Variants in DCHS2 observed in about 807,000 individuals in gnomAD.
DCHS2 encodes the protein dachsous cadherin-related 2, also known as protocadherin-23.
DCHS2 carries 142 observed loss-of-function variants against 182.4 expected under a neutral mutation model. The ratio of observed to expected loss-of-function variants is 0.78; its 90% CI spans 0.68 to 0.89. The LOEUF is 0.89. Ranked by LOEUF, DCHS2 falls within the 40% of genes least tolerant of loss-of-function variation. DCHS2 has a pLI of 0.00. For missense variants in DCHS2, 4,319 were observed against 4,198.6 expected (o/e 1.03, Z -0.79); for synonymous variants, 1,740 against 1,663.3 (o/e 1.05, Z -1.12).
intron 12 of DCHS2, among the ~76,000 whole-genome samples, chr4:154,303,516 C>T (rs998261957): frequency 2.1e-5 from 3 of 139,810 alleles, no homozygotes; most frequent in Non-Finnish European, 3.0e-5. Context: ...CTGAAGATCA[C>T]TGGCAGAGAC....
intron 2 of DCHS2, 39 bp from the exon 3 acceptor site, chr4:154,366,480 G>T: frequency 7.3e-7 from 1 of 1,362,966 alleles, no homozygotes; most frequent in Non-Finnish European, 1.0e-6. Context: ...ATGGGTTTTT[G>T]CTGAACACTA....
chr4:154,314,510 G>C lies in DCHS2; in HGVS notation c.5260+1238C>G, dbSNP rs1216822412. Among the ~76,000 whole-genome samples the C allele has an allele frequency of 2.0e-5, 3 of 152,172 alleles. No homozygotes were observed. In the East Asian group the frequency reaches 5.8e-4, roughly 29 times the overall value. The stretch of plus-strand genomic sequence containing the variant: ...AGAAAATTGGGTTAGCCCTTGAAAA[G>C]AGTGTTAGTAACATCACATACAAAT... On this transcript the variant is annotated intron_variant, in intron 10 of 19. Coordinates refer to ENST00000357232, the MANE Select transcript of DCHS2 (RefSeq NM_001358235.2).
At chr4:154,242,552 A>G (rs1731875338) in intron 17 of DCHS2, 90 bp downstream of exon 17, 9 of 1,464,620 alleles carry the variant, frequency 6.1e-6, no homozygotes, top group South Asian at 1.6e-5. Context: ...GAGGATTAGC[A>G]CTCATGTTAA....
chr4:154,364,503 A>C (rs1730260902), intron 3 of DCHS2, among the ~76,000 whole-genome samples: 1 of 152,224 alleles, frequency 6.6e-6, no homozygotes. Context: ...TAAACAGACT[A>C]ATTTCCCGCA....
At chr4:154,317,889 C>A (rs1279831662) in intron 9 of DCHS2, among the ~76,000 whole-genome samples, 3 of 152,084 alleles carry the variant, frequency 2.0e-5, no homozygotes. Context: ...ATGTGAAAAG[C>A]AGGGGTCTTA....
intron 1 of DCHS2, among the ~76,000 whole-genome samples, chr4:154,452,731 T>A (rs1389243925): frequency 6.6e-6 from 1 of 152,158 alleles, no homozygotes; most frequent in Admixed American, 6.6e-5. Flanking sequence ...AACCCTAAAT[T>A]TTTTTTCTGA....
chr4:154,440,474 G>A lies in DCHS2; in HGVS notation c.2052+48830C>T, dbSNP rs1733960152. On this transcript the variant is annotated intron_variant, in intron 1 of 19. Coordinates refer to ENST00000357232, the MANE Select transcript of DCHS2 (RefSeq NM_001358235.2). ...TGTCCCTCAAAAGAGCCTTTTTTGGGCATTTTTTCCTAATTGCCCGCATGA... is the reference window on the plus strand; with the variant it reads ...TGTCCCTCAAAAGAGCCTTTTTTGGACATTTTTTCCTAATTGCCCGCATGA... 5.9e-5 allele frequency among the ~76,000 whole-genome samples: 9 copies of A among 151,948 alleles called. No individual in the cohort carries two copies. The South Asian group carries it at 1.5e-3, about 25-fold the overall frequency.
At chr4:154,323,402 T>A (rs1161427508) in intron 7 of DCHS2, 44 of 1,530,796 alleles carry the variant, frequency 2.9e-5, no homozygotes, top group Non-Finnish European at 3.9e-5. Context: ...CCATGATAGC[T>A]CACTGCAGCC....
chr4:154,302,978 CACATA>C (rs1735278860), intron 12 of DCHS2, among the ~76,000 whole-genome samples: 1 of 108,888 alleles, frequency 9.2e-6, no homozygotes, highest in African/African-American at 4.4e-5. Flanking sequence ...CCCACACACA[CACATA>C]TTTTTTTTTT....
At position 154,379,588 on chromosome 4, in the gene DCHS2, T is replaced by C. The variant is rs566679291; in HGVS notation, c.2053-2144A>G. Among the ~76,000 whole-genome samples, 5 of 152,318 alleles carry C rather than the reference T, an allele frequency of 3.3e-5. No homozygotes were observed. The South Asian group carries it at 1.0e-3, about 32-fold the overall frequency. On this transcript the variant is annotated intron_variant, in intron 1 of 19. Transcript: ENST00000357232. The stretch of plus-strand genomic sequence containing the variant: ...TAGTTTTGGAAAGTAATTCTGGCTG[T>C]CTTGCATATATTTGTAAGCCTTTTA...
intron 12 of DCHS2, among the ~76,000 whole-genome samples, chr4:154,303,484 C>CAAAAA (rs35984605): frequency 1.7e-4 from 14 of 84,400 alleles, no homozygotes; most frequent in African/African-American, 3.3e-4. Flanking sequence ...GTAAGTGAAG[C>CAAAAA]AAAAAAAAAA....
intron 1 of DCHS2, among the ~76,000 whole-genome samples, chr4:154,408,666 T>G (rs1732498383): frequency 6.6e-6 from 1 of 150,472 alleles, no homozygotes; most frequent in African/African-American, 2.5e-5. Context: ...TAAAGGAGAG[T>G]GCTGGAGTAC....
At position 154,240,826 on chromosome 4, in the gene DCHS2, G is replaced by GAAAT. The variant is rs1465573645; in HGVS notation, c.7073-7_7073-4dup. On this transcript the variant is annotated splice_region_variant and splice_polypyrimidine_tract_variant and intron_variant, in intron 17 of 19. Coordinates refer to ENST00000357232, the MANE Select transcript of DCHS2 (RefSeq NM_001358235.2). Reference sequence around the variant, plus strand: ...CACAATTACACCAGGCAAAGAATCTGAAATAGTCATGACCAGTGTCAGTCT... The same window carrying GAAAT: ...CACAATTACACCAGGCAAAGAATCTGAAATAAATAGTCATGACCAGTGTCAGTCT... 6.2e-7 allele frequency: 1 copy of GAAAT among 1,613,088 alleles called. No individual in the cohort carries two copies. Among genetic ancestry groups the GAAAT allele is most frequent in the East Asian group, 2.2e-5 (1 of 44,774 alleles).
chr4:154,273,524 T>C (rs1733694105), intron 13 of DCHS2, among the ~76,000 whole-genome samples: 1 of 151,970 alleles, frequency 6.6e-6, no homozygotes, highest in Non-Finnish European at 1.5e-5. Flanking sequence ...GGGTGACGGG[T>C]GCACCAAAAT....
intron 1 of DCHS2, among the ~76,000 whole-genome samples, chr4:154,437,809 A>G (rs1298074132): frequency 1.3e-5 from 2 of 152,216 alleles, no homozygotes; most frequent in East Asian, 1.9e-4. Flanking sequence ...ATAGAAACAC[A>G]CTATTCCAAA....
chr4:154,367,026 A>G (rs1358120825), intron 2 of DCHS2, among the ~76,000 whole-genome samples: 1 of 152,142 alleles, frequency 6.6e-6, no homozygotes, highest in Non-Finnish European at 1.5e-5. Context: ...TTCAGTTACC[A>G]GAAAGGAAAG....
At chr4:154,287,899 T>C (rs1734478772) in intron 13 of DCHS2, among the ~76,000 whole-genome samples, 1 of 152,144 alleles carries the variant, frequency 6.6e-6, no homozygotes, top group Non-Finnish European at 1.5e-5. Flanking sequence ...GCAAGCCGCA[T>C]GGTAACCTCA....
intron 1 of DCHS2, among the ~76,000 whole-genome samples, chr4:154,449,839 C>T (rs998565912): frequency 1.3e-5 from 2 of 152,178 alleles, no homozygotes; most frequent in Non-Finnish European, 2.9e-5. Context: ...TTTGCCTTCA[C>T]GTTTGTGATA....
chr4:154,310,564 A>G (rs1316218233), intron 10 of DCHS2, among the ~76,000 whole-genome samples: 2 of 152,230 alleles, frequency 1.3e-5, no homozygotes, highest in Admixed American at 6.5e-5. Flanking sequence ...TACCTTCATA[A>G]GTACACTGGG....
Sources: allele counts gnomAD v4.1 joint callset (sites outside exome capture counted in the v4.1 genomes callset), GRCh38; gene constraint gnomAD v4.1.1; transcripts MANE v1.5; gene names NCBI Gene and HGNC (gene_info 2026-07-23, HGNC 2026-07-21).